SIGLEC1: variants seen among roughly 807,000 people sequenced by gnomAD.
SIGLEC1 encodes sialoadhesin.
A neutral mutation model predicts 148.0 loss-of-function variants in SIGLEC1; 132 were observed. The observed-to-expected ratio is 0.89, with a 90% confidence interval of 0.77 to 1.03. The LOEUF is 1.03. SIGLEC1 is among the 50% of genes least tolerant of loss of function. SIGLEC1 has a pLI of 0.00. For synonymous variants in SIGLEC1, 945 were observed against 969.0 expected (o/e 0.98, Z 0.46); for missense variants, 2,253 against 2,271.4 (o/e 0.99, Z 0.16).
At chr20:3,702,895 C>T (rs957034388) in intron 6 of SIGLEC1, among the ~76,000 whole-genome samples, 3 of 151,980 alleles carry the variant, frequency 2.0e-5, no homozygotes, top group African/African-American at 4.8e-5. Flanking sequence ...GTGTAGACAG[C>T]GAGAAAGATT....
At chr20:3,693,401 C>T in intron 14 of SIGLEC1, 46 bp downstream of exon 14, 5 of 1,525,256 alleles carry the variant, frequency 3.3e-6, no homozygotes, top group Non-Finnish European at 3.5e-6. Context: ...TCCCTGTGGG[C>T]TTCTGTCATT....
chr20:3,707,197 G>T lies in SIGLEC1; in HGVS notation c.-69C>A. The T allele has an allele frequency of 3.4e-6, 5 of 1,455,448 alleles. No homozygotes were observed. The highest frequency in any genetic ancestry group is 4.8e-6 in the Non-Finnish European group (5 of 1,040,182). 90.2% of individuals were successfully genotyped at this position (1,455,448 alleles called of 1,614,324 possible). ...CACTGCGCTGGCTGGGCTCACAGGG[G>T]CCTCCAGGGACACCTCTGGGCACTT... On this transcript the variant is annotated 5_prime_UTR_variant, in exon 2 of 22. Transcript: ENST00000344754.
chr20:3,695,320 C>T (rs532603178), intron 11 of SIGLEC1, among the ~76,000 whole-genome samples: 3 of 152,330 alleles, frequency 2.0e-5, no homozygotes, highest in Admixed American at 6.5e-5. Flanking sequence ...TAGATCATCC[C>T]GGGGCCATTG....
At position 3,699,293 on chromosome 20, in the gene SIGLEC1, G is replaced by A; in HGVS notation, c.1695C>T (p.Ala565=). The A allele has an allele frequency of 2.5e-6, 4 of 1,608,694 alleles. No individual in the cohort carries two copies. The highest frequency in any genetic ancestry group is 3.4e-6 in the Non-Finnish European group (4 of 1,178,416). The stretch of plus-strand genomic sequence containing the variant: ...GGTATGAGCCGGCGTCAGTGCTGGA[G>A]GCCGCGGGGAGCAGGAGGCTGCTGC... ...GPGSSLLLPA[A]SSTDAGSYHC... is the part of the protein sequence containing the mutation. The change falls in exon 8 of 22, where the codon GCC becomes GCT. Residue 565 remains alanine, a synonymous_variant. Coordinates refer to ENST00000344754, the MANE Select transcript of SIGLEC1 (RefSeq NM_023068.4).
At chr20:3,711,349 C>T (rs1311199671) in intron 1 of SIGLEC1, among the ~76,000 whole-genome samples, 1 of 152,192 alleles carries the variant, frequency 6.6e-6, no homozygotes, top group East Asian at 1.9e-4. Flanking sequence ...CGTTTGCTGC[C>T]TGTTTGAGAC....
At position 3,690,034 on chromosome 20, in the gene SIGLEC1, G is replaced by T; in HGVS notation, c.4822C>A (p.Gln1608Lys). The T allele has an allele frequency of 1.2e-6, 2 of 1,612,996 alleles. No homozygotes were observed. Among genetic ancestry groups the T allele is most frequent in the Non-Finnish European group, 1.7e-6 (2 of 1,179,770 alleles). ...VDIEALRPSD[Q>K]GEYICSASNV... ...GAGGCAGAACAGATGTATTCCCCTT[G>T]GTCGCTGGGCCTCAGCGCCTCGATG... Residue 1608 changes from glutamine to lysine, a missense_variant, in exon 19 of 22, where the codon CAA becomes AAA. Physicochemically the swap from Gln to Lys is moderately conservative, Grantham distance 53. Transcript: ENST00000344754.
chr20:3,705,463 G>A (rs115823387), intron 4 of SIGLEC1, among the ~76,000 whole-genome samples: 4,236 of 152,278 alleles, frequency 0.028, 195 homozygotes, highest in African/African-American at 0.096. Context: ...CCCTGAAGCT[G>A]CATGGGAGCT....
Position 3,690,030 on chromosome 20 carries a change from C to T in SIGLEC1, c.4826G>A (p.Gly1609Glu). 2 of 1,613,124 alleles carry T rather than the reference C, an allele frequency of 1.2e-6. No individual in the cohort carries two copies. Among genetic ancestry groups the T allele is most frequent in the Non-Finnish European group, 8.5e-7 (1 of 1,179,820 alleles). Residue 1609 changes from glycine to glutamate, a missense_variant, in exon 19 of 22, where the codon GGG becomes GAG. Gly to Glu is a moderately conservative substitution (Grantham distance 98). Coordinates refer to ENST00000344754, the MANE Select transcript of SIGLEC1 (RefSeq NM_023068.4). ...DIEALRPSDQ[G>E]EYICSASNVL... ...ATTTGAGGCAGAACAGATGTATTCC[C>T]CTTGGTCGCTGGGCCTCAGCGCCTC...
chr20:3,691,960 A>C lies in SIGLEC1; in HGVS notation c.4273T>G (p.Cys1425Gly). The C allele has an allele frequency of 6.2e-7, 1 of 1,608,680 alleles. No individual in the cohort carries two copies. The highest frequency in any genetic ancestry group is 8.5e-7 in the Non-Finnish European group (1 of 1,176,082). Residue 1425 changes from cysteine (C) to glycine (G), a missense_variant, in exon 17 of 22, where the codon TGC (cysteine) becomes GGC (glycine). Physicochemically the swap from Cys to Gly is radical, Grantham distance 159. Coordinates refer to ENST00000344754, the MANE Select transcript of SIGLEC1 (RefSeq NM_023068.4). ...GAGCCCAGCAAGTTTTGGGCTGTGC[A>C]AACATAGGTGTCATCACCTGCAGGC... ...DVPAGDDTYV[C>G]TAQNLLGSIS...
chr20:3,698,473 G>A (rs1003948643), intron 8 of SIGLEC1, among the ~76,000 whole-genome samples: 1 of 152,206 alleles, frequency 6.6e-6, no homozygotes, highest in Non-Finnish European at 1.5e-5. Flanking sequence ...ATCCCTGGGG[G>A]TCATGCTGTC....
chr20:3,706,499 C>T lies in SIGLEC1; in HGVS notation c.257G>A (p.Arg86His), dbSNP rs1262490141. The T allele has an allele frequency of 1.2e-6, 2 of 1,613,676 alleles. No homozygotes were observed. Among genetic ancestry groups the T allele is most frequent in the South Asian group, 1.1e-5 (1 of 91,090 alleles). The change falls in exon 3 of 22, where the codon CGC (arginine) becomes CAC (histidine). Residue 86 changes from arginine to histidine, a missense_variant. By Grantham distance (29) the Arg-to-His change is conservative. Transcript: ENST00000344754. The part of the protein sequence containing the change: ...PKLVEARFRG[R>H]TEFMGNPEHR... ...CTCGGGGTTCCCCATGAACTCGGTGCGGCCGCGGAAGCGGGCCTCCACCAG... is the reference window on the plus strand; with the variant it reads ...CTCGGGGTTCCCCATGAACTCGGTGTGGCCGCGGAAGCGGGCCTCCACCAG...
intron 18 of SIGLEC1, 87 bp from the exon 19 acceptor site, chr20:3,690,351 C>G (rs1224594046): frequency 2.7e-6 from 3 of 1,112,976 alleles, no homozygotes; most frequent in Non-Finnish European, 3.8e-6. Context: ...CTTTGCTGCT[C>G]CTCCCATTAA....
chr20:3,692,274 G>A (rs1365524135), intron 16 of SIGLEC1, 72 bp from the exon 17 acceptor site: 3 of 1,436,496 alleles, frequency 2.1e-6, no homozygotes, highest in African/African-American at 1.4e-5. Context: ...AGCTGCCTGG[G>A]GTTGGTCAGG....
intron 13 of SIGLEC1, 120 bp downstream of exon 13, chr20:3,694,101 G>T: frequency 9.2e-7 from 1 of 1,089,826 alleles, no homozygotes; most frequent in Non-Finnish European, 1.3e-6. Flanking sequence ...TCGTTAGGAA[G>T]GGTGGGAATG....
At chr20:3,700,106 CTTTTTTTTTT>C (rs58342380) in intron 7 of SIGLEC1, among the ~76,000 whole-genome samples, 1 of 36,064 alleles carries the variant, frequency 2.8e-5, no homozygotes, top group African/African-American at 1.1e-4. Context: ...CTGTGGCCAG[CTTTTTTTTTT>C]TTTTTTTTTT....
chr20:3,696,957 C>A, intron 10 of SIGLEC1, 69 bp from the exon 11 acceptor site: 1 of 1,531,468 alleles, frequency 6.5e-7, no homozygotes, highest in South Asian at 1.2e-5. Context: ...CACTATGTCC[C>A]CCACCTCCTG....
intron 11 of SIGLEC1, among the ~76,000 whole-genome samples, chr20:3,695,635 C>T (rs773894688): frequency 4.6e-5 from 7 of 152,132 alleles, no homozygotes; most frequent in Non-Finnish European, 8.8e-5. Context: ...AAAACTCAAA[C>T]CTTCAATTTC....
At chr20:3,704,118 G>A in intron 4 of SIGLEC1, 27 bp from the exon 5 acceptor site, 1 of 1,600,114 alleles carries the variant, frequency 6.2e-7, no homozygotes, top group Non-Finnish European at 8.5e-7. Context: ...GGGGTATTGG[G>A]TAAGGTGCTT....
chr20:3,692,503 C>A lies in SIGLEC1; in HGVS notation c.4030+18G>T. On this transcript the variant is annotated intron_variant, in intron 16 of 21. Transcript: ENST00000344754. Reference sequence around the variant, plus strand: ...CACCCTCCTCCTGGGCAGCCCTGGCCAAGGACCCTCTGCTCACAGAGGACT... The same window carrying A: ...CACCCTCCTCCTGGGCAGCCCTGGCAAAGGACCCTCTGCTCACAGAGGACT... 1 of 1,573,052 alleles carries A rather than the reference C, an allele frequency of 6.4e-7. No individual in the cohort carries two copies. The highest frequency in any genetic ancestry group is 8.6e-7 in the Non-Finnish European group (1 of 1,166,100).
Sources: allele counts gnomAD v4.1 joint callset (sites outside exome capture counted in the v4.1 genomes callset), GRCh38; gene constraint gnomAD v4.1.1; transcripts MANE v1.5; gene names NCBI Gene and HGNC (gene_info 2026-07-23, HGNC 2026-07-21).